Variants in ATG10 observed in about 807,000 individuals in gnomAD.
The protein encoded by ATG10 is autophagy related 10.
A neutral mutation model predicts 32.1 loss-of-function variants in ATG10; 30 were observed. The observed-to-expected ratio is 0.94, with a 90% CI of 0.70 to 1.27. The LOEUF is 1.27. Among genes scored for constraint, ATG10 ranks in the 50% most tolerant of loss-of-function variants. The pLI, the probability that ATG10 is intolerant of heterozygous loss-of-function variation, is 0.00. For synonymous variants in ATG10, 87 were observed against 91.5 expected (o/e 0.95, Z 0.28); for missense variants, 233 against 262.3 (o/e 0.89, Z 0.77).
intron 3 of ATG10, among the ~76,000 whole-genome samples, chr5:82,102,627 G>C (rs931317948): frequency 6.6e-6 from 1 of 152,158 alleles, no homozygotes; most frequent in Non-Finnish European, 1.5e-5. Flanking sequence ...ACACTGTTGA[G>C]TTGGGCTCTT....
chr5:82,172,993 A>C (rs1026769231), intron 4 of ATG10, among the ~76,000 whole-genome samples: 4 of 152,196 alleles, frequency 2.6e-5, no homozygotes, highest in Non-Finnish European at 4.4e-5. Context: ...GTATGACATG[A>C]ATTTTTATAT....
At chr5:82,127,815 A>T (rs113766060) in intron 3 of ATG10, among the ~76,000 whole-genome samples, 1 of 152,262 alleles carries the variant, frequency 6.6e-6, no homozygotes, top group African/African-American at 2.4e-5. Flanking sequence ...TCCAGAGCCG[A>T]GTTCAAGTCC....
At chr5:82,235,111 G>T (rs753347557) in intron 5 of ATG10, among the ~76,000 whole-genome samples, 2 of 152,142 alleles carry the variant, frequency 1.3e-5, no homozygotes, top group Non-Finnish European at 2.9e-5. Flanking sequence ...CAGTGGCGGG[G>T]AGGGTGCTGT....
chr5:81,979,618 A>G (rs1461856432), intron 1 of ATG10, among the ~76,000 whole-genome samples: 8 of 151,916 alleles, frequency 5.3e-5, no homozygotes, highest in Admixed American at 5.2e-4. Context: ...ACATTGCTCT[A>G]TCATCTGGCA....
intron 5 of ATG10, among the ~76,000 whole-genome samples, chr5:82,187,737 G>A (rs1561347323): frequency 6.6e-6 from 1 of 151,000 alleles, no homozygotes; most frequent in Non-Finnish European, 1.5e-5. Flanking sequence ...GCAGGCGCCC[G>A]CCACCACGCC....
At chr5:82,157,460 C>CT (rs34880665) in intron 3 of ATG10, among the ~76,000 whole-genome samples, 36,698 of 151,724 alleles carry the variant, frequency 0.24, 4,729 homozygotes, top group South Asian at 0.36. Context: ...GTGACAGTCA[C>CT]TTACTCAGAA....
At chr5:82,197,619 T>A (rs1744909968) in intron 5 of ATG10, among the ~76,000 whole-genome samples, 1 of 152,116 alleles carries the variant, frequency 6.6e-6, no homozygotes, top group African/African-American at 2.4e-5. Flanking sequence ...CCCATTGTCC[T>A]CTCAGTCGTT....
At chr5:82,213,669 C>T (rs1745573879) in intron 5 of ATG10, among the ~76,000 whole-genome samples, 2 of 152,192 alleles carry the variant, frequency 1.3e-5, no homozygotes, top group Admixed American at 6.5e-5. Context: ...CAACTCCATG[C>T]ATATTCCTAC....
intron 4 of ATG10, among the ~76,000 whole-genome samples, chr5:82,175,464 G>A (rs1431302521): frequency 6.6e-6 from 1 of 152,180 alleles, no homozygotes; most frequent in Non-Finnish European, 1.5e-5. Flanking sequence ...TGTTTAAGGT[G>A]ATGAAAATGT....
At chr5:82,191,735 G>A (rs1744669500) in intron 5 of ATG10, among the ~76,000 whole-genome samples, 1 of 152,150 alleles carries the variant, frequency 6.6e-6, no homozygotes, top group Middle Eastern at 3.2e-3. Context: ...CAGAACTGAT[G>A]AAGTTTTAGG....
At position 81,993,868 on chromosome 5, in the gene ATG10, G is replaced by A. The variant is rs570273351; in HGVS notation, c.108+6190G>A. ...AGAAAACTCTGTAAAAGTGTATTTA[G>A]CACCAAATACACTGTACTGGTTGAT... On this transcript the variant is annotated intron_variant, in intron 2 of 7. Transcript: ENST00000282185. Among the ~76,000 whole-genome samples the A allele has an allele frequency of 2.6e-5, 4 of 152,276 alleles. No homozygotes were observed. In the South Asian group the frequency reaches 8.3e-4, roughly 32 times the overall value.
At chr5:82,223,451 C>G (rs80252465) in intron 5 of ATG10, among the ~76,000 whole-genome samples, 244 of 152,236 alleles carry the variant, frequency 1.6e-3, no homozygotes, top group African/African-American at 5.6e-3. Context: ...CAGTGAAAGA[C>G]TCTCCTAAAT....
chr5:82,102,753 A>G (rs1382238853), intron 3 of ATG10, among the ~76,000 whole-genome samples: 2 of 152,128 alleles, frequency 1.3e-5, no homozygotes, highest in Non-Finnish European at 2.9e-5. Context: ...TTTAGCTGAT[A>G]CCCTAACTTT....
intron 2 of ATG10, among the ~76,000 whole-genome samples, chr5:81,994,237 A>G (rs1234456586): frequency 2.6e-5 from 4 of 152,166 alleles, no homozygotes; most frequent in Non-Finnish European, 4.4e-5. Flanking sequence ...TAGAAACTCC[A>G]TCACAGAGTA....
intron 3 of ATG10, among the ~76,000 whole-genome samples, chr5:82,104,261 G>C (rs1424664414): frequency 6.6e-6 from 1 of 151,944 alleles, no homozygotes; most frequent in East Asian, 1.9e-4. Context: ...AATAGATTCT[G>C]CCCAACCGTT....
intron 5 of ATG10, among the ~76,000 whole-genome samples, chr5:82,221,415 T>C (rs1745921292): frequency 6.6e-6 from 1 of 152,222 alleles, no homozygotes; most frequent in South Asian, 2.1e-4. Context: ...ACTGATCTGA[T>C]AGAGCTCTTG....
intron 5 of ATG10, chr5:82,243,021 G>A (rs1208657170): frequency 3.5e-6 from 1 of 282,924 alleles, no homozygotes; most frequent in South Asian, 3.3e-5. Context: ...ATCAGTAAAG[G>A]GTGATCAGAG....
intron 3 of ATG10, among the ~76,000 whole-genome samples, chr5:82,112,122 A>C (rs990591635): frequency 6.6e-6 from 1 of 151,908 alleles, no homozygotes; most frequent in African/African-American, 2.4e-5. Flanking sequence ...CATCTCTTCA[A>C]GCTTTGAAAT....
At chr5:82,028,053 A>C (rs1228733553) in intron 2 of ATG10, among the ~76,000 whole-genome samples, 1 of 152,252 alleles carries the variant, frequency 6.6e-6, no homozygotes, top group Non-Finnish European at 1.5e-5. Context: ...TTAAAAGCTA[A>C]AGCCAAACTG....
Sources: gnomAD v4.1 joint callset for allele counts (sites outside exome capture counted in the v4.1 genomes callset) on GRCh38, gnomAD v4.1.1 for gene constraint, MANE v1.5 for transcripts, NCBI Gene and HGNC (gene_info 2026-07-23, HGNC 2026-07-21) for gene names.